SAMD12: variants seen among roughly 807,000 people sequenced by gnomAD.
SAMD12 encodes the protein sterile alpha motif domain-containing protein 12.
SAMD12 carries 9 observed loss-of-function variants against 15.0 expected under a neutral mutation model. That is an observed-to-expected ratio of 0.60 (90% CI 0.36 to 1.05). SAMD12 has a LOEUF of 1.05. Among genes scored for constraint, SAMD12 ranks in the 50% least tolerant of loss-of-function variants. SAMD12 has a pLI of 0.01. For synonymous variants in SAMD12, 86 were observed against 90.1 expected (o/e 0.96, Z 0.25); for missense variants, 230 against 234.2 (o/e 0.98, Z 0.12).
intron 2 of SAMD12, among the ~76,000 whole-genome samples, chr8:118,465,371 G>C (rs1431767080): frequency 6.6e-6 from 1 of 152,010 alleles, no homozygotes; most frequent in Non-Finnish European, 1.5e-5. Context: ...TTATTTTCTA[G>C]GTTGACATTT....
chr8:118,444,929 A>C (rs1268196118), intron 2 of SAMD12, among the ~76,000 whole-genome samples: 1 of 152,220 alleles, frequency 6.6e-6, no homozygotes, highest in African/African-American at 2.4e-5. Flanking sequence ...ATTATCAAAA[A>C]ATAGAGAATG....
the SAMD12 span, among the ~76,000 whole-genome samples, chr8:118,176,233 G>A: frequency 1.4e-4 from 22 of 152,214 alleles, no homozygotes; most frequent in South Asian, 1.9e-3. Flanking sequence ...CCCGGGAGGC[G>A]GAGGTTGCAG....
intron 3 of SAMD12, among the ~76,000 whole-genome samples, chr8:118,394,413 A>G (rs1423791270): frequency 6.6e-6 from 1 of 152,188 alleles, no homozygotes; most frequent in African/African-American, 2.4e-5. Context: ...AAAGATGTCT[A>G]TTTCCCTCCT....
chr8:118,286,204 T>C (rs1010627545), intron 4 of SAMD12, among the ~76,000 whole-genome samples: 7 of 150,530 alleles, frequency 4.7e-5, no homozygotes, highest in Non-Finnish European at 7.4e-5. Flanking sequence ...CATTAGGAGA[T>C]ATACCTAACG....
chr8:118,234,513 T>C (rs759120624), intron 4 of SAMD12, among the ~76,000 whole-genome samples: 13 of 151,858 alleles, frequency 8.6e-5, no homozygotes, highest in Non-Finnish European at 1.8e-4. Flanking sequence ...AGTTCAAGAC[T>C]TGCCTGGCCA....
At chr8:118,396,592 C>T (rs1321362739) in intron 3 of SAMD12, among the ~76,000 whole-genome samples, 2 of 152,156 alleles carry the variant, frequency 1.3e-5, no homozygotes, top group African/African-American at 2.4e-5. Context: ...TACTATCATC[C>T]TCATTTTAAA....
chr8:118,273,319 G>A (rs930713442), intron 4 of SAMD12, among the ~76,000 whole-genome samples: 28 of 152,092 alleles, frequency 1.8e-4, no homozygotes, highest in Non-Finnish European at 1.5e-5. Flanking sequence ...GGGTAACCAC[G>A]CCCATGATTA....
chr8:118,152,128 G>A, the SAMD12 span, among the ~76,000 whole-genome samples: 1 of 152,112 alleles, frequency 6.6e-6, no homozygotes, highest in African/African-American at 2.4e-5. Flanking sequence ...CAGAAAGATG[G>A]CCAAATAATT....
At position 118,198,293 on chromosome 8, in the gene SAMD12, G is replaced by C. The variant is rs576309403; in HGVS notation, c.434-561C>G. ...AGAGAAAGTCATTAAAATCGGACCA[G>C]AGATTAAACTAATTGAATTGCAACC... On this transcript the variant is annotated intron_variant, in intron 4 of 4. Transcript: ENST00000409003. Among the ~76,000 whole-genome samples the C allele has an allele frequency of 3.9e-5, 6 of 152,306 alleles. No homozygotes were observed. In the South Asian group the frequency reaches 1.2e-3, roughly 32 times the overall value.
chr8:118,395,932 C>CAAAAAA (rs34761474), intron 3 of SAMD12, among the ~76,000 whole-genome samples: 1 of 129,224 alleles, frequency 7.7e-6, no homozygotes. Context: ...GACTCCATCT[C>CAAAAAA]AAAAAAAAAA....
chr8:118,280,906 G>C (rs918138260), intron 4 of SAMD12, among the ~76,000 whole-genome samples: 2 of 152,170 alleles, frequency 1.3e-5, no homozygotes, highest in African/African-American at 4.8e-5. Context: ...AGTGACCAGA[G>C]TGTATTCTGC....
chr8:118,361,677 G>A (rs989271498), intron 4 of SAMD12, among the ~76,000 whole-genome samples: 3 of 152,054 alleles, frequency 2.0e-5, no homozygotes, highest in African/African-American at 4.8e-5. Context: ...ACACACAGAC[G>A]CACGTGTGTG....
At chr8:118,134,308 G>T in the SAMD12 span, among the ~76,000 whole-genome samples, 1 of 152,224 alleles carries the variant, frequency 6.6e-6, no homozygotes. Context: ...TCAACCCCAT[G>T]CAGCTGGCTG....
downstream of SAMD12, among the ~76,000 whole-genome samples, chr8:118,374,557 A>T (rs972761132): frequency 1.3e-5 from 2 of 152,140 alleles, no homozygotes; most frequent in African/African-American, 4.8e-5. Context: ...GAACCTCAAT[A>T]CTGTTTTCCA....
intron 4 of SAMD12, among the ~76,000 whole-genome samples, chr8:118,299,614 C>T (rs1814910702): frequency 6.6e-6 from 1 of 152,100 alleles, no homozygotes; most frequent in South Asian, 2.1e-4. Context: ...GGAAAAGTAC[C>T]TTGGTCTTAT....
At chr8:118,466,809 A>C (rs979115191) in intron 2 of SAMD12, among the ~76,000 whole-genome samples, 45 of 152,306 alleles carry the variant, frequency 3.0e-4, no homozygotes, top group African/African-American at 1.1e-3. Context: ...AGAGAAAAAA[A>C]AATACGTTGT....
At chr8:118,435,635 G>A (rs577504253) in intron 3 of SAMD12, among the ~76,000 whole-genome samples, 1 of 152,234 alleles carries the variant, frequency 6.6e-6, no homozygotes, top group South Asian at 2.1e-4. Context: ...GCACCTAAGG[G>A]AAAATTTTGT....
chr8:118,283,737 T>C (rs1339542059), intron 4 of SAMD12, among the ~76,000 whole-genome samples: 1 of 152,108 alleles, frequency 6.6e-6, no homozygotes, highest in Non-Finnish European at 1.5e-5. Flanking sequence ...CTTAGGCAGA[T>C]GGAGGGAAAC....
chr8:118,456,346 C>T lies in SAMD12; in HGVS notation c.193-16385G>A, dbSNP rs1348569680. On this transcript the variant is annotated intron_variant, in intron 2 of 3. Transcript: ENST00000314727. Reference sequence around the variant, plus strand: ...CTTGATCATGTAATCTTAAGTAATCCCCAAGATGTTTTTAACACATCCCGT... The same window carrying T: ...CTTGATCATGTAATCTTAAGTAATCTCCAAGATGTTTTTAACACATCCCGT... Among the ~76,000 whole-genome samples the T allele has an allele frequency of 2.6e-5, 4 of 152,098 alleles. No individual in the cohort carries two copies. In the South Asian group the frequency reaches 8.3e-4, roughly 32 times the overall value.
Sources: allele counts gnomAD v4.1 joint callset (sites outside exome capture counted in the v4.1 genomes callset), GRCh38; gene constraint gnomAD v4.1.1; transcripts MANE v1.5; gene names NCBI Gene and HGNC (gene_info 2026-07-23, HGNC 2026-07-21).